The following C11orf96 variants were observed in gnomAD, a reference collection of about 807,000 sequenced individuals.
C11orf96 encodes the protein chromosome 11 open reading frame 96.
C11orf96 carries 6 observed loss-of-function variants against 7.6 expected under a neutral mutation model. The observed-to-expected ratio is 0.79, with a 90% confidence interval of 0.43 to 1.55. C11orf96 has a LOEUF of 1.55. Ranked by LOEUF, C11orf96 falls within the 40% of genes most tolerant of loss-of-function variation. C11orf96 has a pLI of 0.01. For missense variants in C11orf96, 150 were observed against 167.3 expected (o/e 0.90, Z 0.57); for synonymous variants, 72 against 79.0 (o/e 0.91, Z 0.47).
Position 43,943,094 on chromosome 11 carries a change from C to T in C11orf96, c.190C>T (p.Gln64Ter). 1 of 1,499,308 alleles carries T rather than the reference C, an allele frequency of 6.7e-7. No individual in the cohort carries two copies. The highest frequency in any genetic ancestry group is 8.9e-7 in the Non-Finnish European group (1 of 1,123,326). 92.9% of individuals were successfully genotyped at this position (1,499,308 alleles called of 1,614,324 possible). A position where few individuals can be genotyped will look rare whatever the true frequency, so the allele number is the denominator to read the frequency against. Residue 64 changes from glutamine (Q) to a stop codon, truncating the protein, a stop_gained, in exon 1 of 1, where the codon CAG (glutamine) becomes TAG (stop). Transcript: ENST00000617612. LOFTEE classifies it high-confidence loss of function. This position sits in a 1 kb window ranked among gnomAD's most constrained non-coding sequence, Gnocchi z 4.8. ...GCAGCCGGTGACCTTCGACGAGATC[C>T]AGGAGGTGGAGGAGGAGGGGGTGTC... ...KTQPVTFDEI[Q>*]EVEEEGVSPM... is the part of the protein sequence containing the mutation.
At position 43,942,760 on chromosome 11, in the gene C11orf96, C is replaced by T; in HGVS notation, c.-145C>T. 3.3e-6 allele frequency: 1 copy of T among 306,844 alleles called. No homozygotes were observed. Among genetic ancestry groups the T allele is most frequent in the Non-Finnish European group, 4.8e-6 (1 of 210,260 alleles). 19.0% of individuals were successfully genotyped at this position (306,844 alleles called of 1,614,324 possible). The stretch of plus-strand genomic sequence containing the variant: ...CCCGAGGAGCGCCGGCCCGGGCCCG[C>T]GAGGGCCGCCGCCACCCCGCAGCAG... On this transcript the variant is annotated 5_prime_UTR_variant, in exon 1 of 1. Coordinates refer to ENST00000617612, the MANE Select transcript of C11orf96 (RefSeq NM_001145033.2).
In C11orf96 at chr11:43,942,953, G is replaced by A. The variant is rs1300402317; in HGVS notation, c.49G>A (p.Ala17Thr). The change falls in exon 1 of 1, where the codon GCG (alanine) becomes ACG (threonine). Residue 17 changes from alanine to threonine, a missense_variant. Around this residue, in one of 3 missense-constraint regions of C11orf96, gnomAD observed 77 missense variants for 80.5 expected, o/e 0.96. Coordinates refer to ENST00000617612, the MANE Select transcript of C11orf96 (RefSeq NM_001145033.2). ...GATGGGCATCTGCTCCAGTTACCAGGCGGTGATGCCGCACTTCGTGTGCCT... is the reference window on the plus strand; with the variant it reads ...GATGGGCATCTGCTCCAGTTACCAGACGGTGATGCCGCACTTCGTGTGCCT... Reference protein sequence around the residue: ...ELMGICSSYQAVMPHFVCLAD... With the variant: ...ELMGICSSYQTVMPHFVCLAD... 1.4e-6 allele frequency: 2 copies of A among 1,475,530 alleles called. No homozygotes were observed. The highest frequency in any genetic ancestry group is 9.0e-7 in the Non-Finnish European group (1 of 1,116,150). 91.4% of individuals were successfully genotyped at this position (1,475,530 alleles called of 1,614,324 possible).
Position 43,943,118 on chromosome 11 carries a change from T to C in C11orf96, c.214T>C (p.Ser72Pro), listed in dbSNP as rs1406256226. The change falls in exon 1 of 1, where the codon TCC becomes CCC. Residue 72 changes from serine to proline, a missense_variant. Coordinates refer to ENST00000617612, the MANE Select transcript of C11orf96 (RefSeq NM_001145033.2). The surrounding 1 kb of genome is among the most constrained non-coding windows in gnomAD (Gnocchi z 4.8). The part of the protein sequence containing the change: ...EIQEVEEEGV[S>P]PMEEEKAKKS... ...CCAGGAGGTGGAGGAGGAGGGGGTG[T>C]CCCCCATGGAGGAGGAGAAGGCCAA... The C allele has an allele frequency of 2.0e-6, 3 of 1,494,136 alleles. No homozygotes were observed. Among genetic ancestry groups the C allele is most frequent in the Admixed American group, 2.3e-5 (1 of 43,082 alleles). The allele number at this position is 1,494,136 out of a possible 1,614,324, so 92.6% of individuals were successfully genotyped here. A position where few individuals can be genotyped will look rare whatever the true frequency, so the allele number is the denominator to read the frequency against.
rs1565137940 is a variant in C11orf96 at position 43,943,647 on chromosome 11, GC to G, written c.*380del. The G allele has an allele frequency of 3.8e-6, 5 of 1,305,234 alleles. No homozygotes were observed. The highest frequency in any genetic ancestry group is 5.1e-6 in the Non-Finnish European group (5 of 989,632). 80.9% of individuals were successfully genotyped at this position (1,305,234 alleles called of 1,614,324 possible). ...CCGATTTTGCACACCGCTCCACCGT[GC>G]CCCCCAGCGCACACCCATTCACACT... On this transcript the variant is annotated 3_prime_UTR_variant, in exon 1 of 1. Coordinates refer to ENST00000617612, the MANE Select transcript of C11orf96 (RefSeq NM_001145033.2). This position sits in a 1 kb window ranked among gnomAD's most constrained non-coding sequence, Gnocchi z 4.8.
In C11orf96 at chr11:43,943,035, G is replaced by A. The variant is rs1373623149; in HGVS notation, c.131G>A (p.Arg44Gln). 2.0e-6 allele frequency: 3 copies of A among 1,500,186 alleles called. No individual in the cohort carries two copies. The highest frequency in any genetic ancestry group is 2.7e-6 in the Non-Finnish European group (3 of 1,124,448). The allele number at this position is 1,500,186 out of a possible 1,614,324, so 92.9% of individuals were successfully genotyped here. Residue 44 changes from arginine (R) to glutamine (Q), a missense_variant, in exon 1 of 1, where the codon CGG becomes CAG. Arg to Gln is a conservative substitution (Grantham distance 43). Coordinates refer to ENST00000617612, the MANE Select transcript of C11orf96 (RefSeq NM_001145033.2). The surrounding 1 kb of genome is among the most constrained non-coding windows in gnomAD (Gnocchi z 4.8). ...RPAKLPKGRG[R>Q]LRRPRQSRFK... ...GCCAAGCTGCCCAAGGGCCGGGGCCGGCTGCGGCGGCCGCGCCAGTCTCGC... is the reference window on the plus strand; with the variant it reads ...GCCAAGCTGCCCAAGGGCCGGGGCCAGCTGCGGCGGCCGCGCCAGTCTCGC...
chr11:43,942,972 T>A lies in C11orf96; in HGVS notation c.68T>A (p.Val23Glu). ...TACCAGGCGGTGATGCCGCACTTCGTGTGCCTGGCCGACGAGTTCCCGCAG... is the reference window on the plus strand; with the variant it reads ...TACCAGGCGGTGATGCCGCACTTCGAGTGCCTGGCCGACGAGTTCCCGCAG... ...SSYQAVMPHF[V>E]CLADEFPQPV... The change falls in exon 1 of 1, where the codon GTG (valine) becomes GAG (glutamate). Residue 23 changes from valine (V) to glutamate (E), a missense_variant. Val to Glu is a moderately radical substitution (Grantham distance 121). Transcript: ENST00000617612. The A allele has an allele frequency of 2.0e-6, 3 of 1,496,670 alleles. No homozygotes were observed. Among genetic ancestry groups the A allele is most frequent in the Non-Finnish European group, 2.7e-6 (3 of 1,125,008 alleles). The allele number at this position is 1,496,670 out of a possible 1,614,324, so 92.7% of individuals were successfully genotyped here.
chr11:43,943,427 C>T lies in C11orf96; in HGVS notation c.*154C>T, dbSNP rs1199787419. On this transcript the variant is annotated 3_prime_UTR_variant, in exon 1 of 1. Coordinates refer to ENST00000617612, the MANE Select transcript of C11orf96 (RefSeq NM_001145033.2). This position sits in a 1 kb window ranked among gnomAD's most constrained non-coding sequence, Gnocchi z 4.8. The stretch of plus-strand genomic sequence containing the variant: ...CTCGGACTCCCGCCCCGCTGCGAAC[C>T]GGTCGGTGCGCCCCTCGCCGCGCTC... The T allele has an allele frequency of 1.4e-6, 2 of 1,443,530 alleles. No homozygotes were observed. Among genetic ancestry groups the T allele is most frequent in the Non-Finnish European group, 1.8e-6 (2 of 1,084,036 alleles). 89.4% of individuals were successfully genotyped at this position (1,443,530 alleles called of 1,614,324 possible).
In C11orf96 at chr11:43,943,525, C is replaced by T; in HGVS notation, c.*252C>T. 7.5e-7 allele frequency: 1 copy of T among 1,333,924 alleles called. No individual in the cohort carries two copies. The highest frequency in any genetic ancestry group is 9.9e-7 in the Non-Finnish European group (1 of 1,009,136). The allele number at this position is 1,333,924 out of a possible 1,614,324, so 82.6% of individuals were successfully genotyped here. A position where few individuals can be genotyped will look rare whatever the true frequency, so the allele number is the denominator to read the frequency against. On this transcript the variant is annotated 3_prime_UTR_variant, in exon 1 of 1. Transcript: ENST00000617612. The surrounding 1 kb of genome is among the most constrained non-coding windows in gnomAD (Gnocchi z 4.8). ...TAAATGTTTATTTTTTAACTCTTCCCAGTGCGAACTCTGCTGTGAGTGTGT... is the reference window on the plus strand; with the variant it reads ...TAAATGTTTATTTTTTAACTCTTCCTAGTGCGAACTCTGCTGTGAGTGTGT...
rs1952122617 is a variant in C11orf96, at chr11:43,942,741, G to A, written c.-164G>A. ...CCGCCCGCCCGCCCGCCCTCCCGAG[G>A]AGCGCCGGCCCGGGCCCGCGAGGGC... On this transcript the variant is annotated 5_prime_UTR_variant, in exon 1 of 1. Transcript: ENST00000617612. 7.0e-6 allele frequency: 1 copy of A among 143,186 alleles called. No homozygotes were observed. The highest frequency in any genetic ancestry group is 1.5e-5 in the Non-Finnish European group (1 of 68,718). The allele number at this position is 143,186 out of a possible 1,614,324, so 8.9% of individuals were successfully genotyped here.
In C11orf96 at chr11:43,942,994, G is replaced by A. The variant is rs756294909; in HGVS notation, c.90G>A (p.Pro30=). Residue 30 remains proline, a synonymous_variant, in exon 1 of 1, where the codon CCG becomes CCA. Coordinates refer to ENST00000617612, the MANE Select transcript of C11orf96 (RefSeq NM_001145033.2). Reference sequence around the variant, plus strand: ...TCGTGTGCCTGGCCGACGAGTTCCCGCAGCCCGTGCGGCCCGCCAAGCTGC... The same window carrying A: ...TCGTGTGCCTGGCCGACGAGTTCCCACAGCCCGTGCGGCCCGCCAAGCTGC... ...PHFVCLADEF[P]QPVRPAKLPK... is the part of the protein sequence containing the mutation. 7 of 1,504,878 alleles carry A rather than the reference G, an allele frequency of 4.7e-6. No individual in the cohort carries two copies. The highest frequency in any genetic ancestry group is 3.8e-5 in the South Asian group (3 of 79,944). The allele number at this position is 1,504,878 out of a possible 1,614,324, so 93.2% of individuals were successfully genotyped here. A position where few individuals can be genotyped will look rare whatever the true frequency, so the allele number is the denominator to read the frequency against.
chr11:43,943,263 C>T lies in C11orf96; in HGVS notation c.359C>T (p.Ser120Leu), dbSNP rs1210060014. 10 of 1,516,578 alleles carry T rather than the reference C, an allele frequency of 6.6e-6. No homozygotes were observed. In the East Asian group the frequency reaches 1.9e-4, roughly 29 times the overall value. The allele number at this position is 1,516,578 out of a possible 1,614,324, so 93.9% of individuals were successfully genotyped here. A position where few individuals can be genotyped will look rare whatever the true frequency, so the allele number is the denominator to read the frequency against. Residue 120 changes from serine (S) to leucine (L), a missense_variant, in exon 1 of 1, where the codon TCG becomes TTG. Around this residue, in one of 3 missense-constraint regions of C11orf96, gnomAD observed 69 missense variants for 69.1 expected, o/e 1.00. Transcript: ENST00000617612. The surrounding 1 kb of genome is among the most constrained non-coding windows in gnomAD (Gnocchi z 4.8). The part of the protein sequence containing the change: ...RNSLDSSDSD[S>L]AL ...AGCCTGGACTCCAGCGACTCCGACT[C>T]GGCCCTGTAAGGGGCGCCGCCCGCG... is the stretch of plus-strand genomic sequence containing the variant.
Position 43,943,277 on chromosome 11 carries a change from GCGCCGCCCGCGGGGGGGACGCGCGCGTC to G in C11orf96, c.*8_*35del, listed in dbSNP as rs1952127435. 1.3e-6 allele frequency: 2 copies of G among 1,485,172 alleles called. No individual in the cohort carries two copies. Among genetic ancestry groups the G allele is most frequent in the Non-Finnish European group, 1.8e-6 (2 of 1,121,238 alleles). The allele number at this position is 1,485,172 out of a possible 1,614,324, so 92.0% of individuals were successfully genotyped here. A position where few individuals can be genotyped will look rare whatever the true frequency, so the allele number is the denominator to read the frequency against. Reference sequence around the variant, plus strand: ...CGACTCCGACTCGGCCCTGTAAGGGGCGCCGCCCGCGGGGGGGACGCGCGCGTCCGCGGTCCGCGCGGGGACCGGCGTG... The same window carrying G: ...CGACTCCGACTCGGCCCTGTAAGGGGCGCGGTCCGCGCGGGGACCGGCGTG... On this transcript the variant is annotated 3_prime_UTR_variant, in exon 1 of 1. Transcript: ENST00000617612. The surrounding 1 kb of genome is among the most constrained non-coding windows in gnomAD (Gnocchi z 4.8).
At position 43,943,229 on chromosome 11, in the gene C11orf96, C is replaced by T; in HGVS notation, c.325C>T (p.Leu109=). The change falls in exon 1 of 1, where the codon CTG becomes TTG. Residue 109 remains leucine, a synonymous_variant. Coordinates refer to ENST00000617612, the MANE Select transcript of C11orf96 (RefSeq NM_001145033.2). The surrounding 1 kb of genome is among the most constrained non-coding windows in gnomAD (Gnocchi z 4.8). ...LQREQLSSCK[L]RNSLDSSDSD... is the part of the protein sequence containing the mutation. The stretch of plus-strand genomic sequence containing the variant: ...GCGGGAGCAGCTCAGCAGCTGCAAA[C>T]TGAGGAACAGCCTGGACTCCAGCGA... 1 of 1,528,486 alleles carries T rather than the reference C, an allele frequency of 6.5e-7. No individual in the cohort carries two copies. The highest frequency in any genetic ancestry group is 8.8e-7 in the Non-Finnish European group (1 of 1,137,890). The allele number at this position is 1,528,486 out of a possible 1,614,324, so 94.7% of individuals were successfully genotyped here.
In C11orf96 at chr11:43,942,956, G is replaced by A; in HGVS notation, c.52G>A (p.Val18Met). 6.8e-7 allele frequency: 1 copy of A among 1,479,270 alleles called. No individual in the cohort carries two copies. Among genetic ancestry groups the A allele is most frequent in the Admixed American group, 2.4e-5 (1 of 41,710 alleles). 91.6% of individuals were successfully genotyped at this position (1,479,270 alleles called of 1,614,324 possible). The change falls in exon 1 of 1, where the codon GTG becomes ATG. Residue 18 changes from valine (V) to methionine (M), a missense_variant. By Grantham distance (21) the Val-to-Met change is conservative (BLOSUM62 1). Transcript: ENST00000617612. Reference sequence around the variant, plus strand: ...GGGCATCTGCTCCAGTTACCAGGCGGTGATGCCGCACTTCGTGTGCCTGGC... The same window carrying A: ...GGGCATCTGCTCCAGTTACCAGGCGATGATGCCGCACTTCGTGTGCCTGGC... The part of the protein sequence containing the change: ...LMGICSSYQA[V>M]MPHFVCLADE...
chr11:43,943,757 C>A lies in C11orf96; in HGVS notation c.*484C>A. The stretch of plus-strand genomic sequence containing the variant: ...GGGCGCAGCGCGGCTGCTACTGCGT[C>A]TGGAGGATTGATATTTATTTTTGCA... On this transcript the variant is annotated 3_prime_UTR_variant, in exon 1 of 1. Coordinates refer to ENST00000617612, the MANE Select transcript of C11orf96 (RefSeq NM_001145033.2). The surrounding 1 kb of genome is among the most constrained non-coding windows in gnomAD (Gnocchi z 4.8). 7.7e-7 allele frequency: 1 copy of A among 1,304,346 alleles called. No individual in the cohort carries two copies. The highest frequency in any genetic ancestry group is 1.2e-5 in the South Asian group (1 of 81,030). The allele number at this position is 1,304,346 out of a possible 1,614,324, so 80.8% of individuals were successfully genotyped here. A position where few individuals can be genotyped will look rare whatever the true frequency, so the allele number is the denominator to read the frequency against.
chr11:43,943,446 C>G lies in C11orf96; in HGVS notation c.*173C>G, dbSNP rs531347119. 1.4e-6 allele frequency: 2 copies of G among 1,431,912 alleles called. No individual in the cohort carries two copies. Among genetic ancestry groups the G allele is most frequent in the Non-Finnish European group, 1.9e-6 (2 of 1,073,982 alleles). The allele number at this position is 1,431,912 out of a possible 1,614,324, so 88.7% of individuals were successfully genotyped here. A position where few individuals can be genotyped will look rare whatever the true frequency, so the allele number is the denominator to read the frequency against. On this transcript the variant is annotated 3_prime_UTR_variant, in exon 1 of 1. Coordinates refer to ENST00000617612, the MANE Select transcript of C11orf96 (RefSeq NM_001145033.2). The surrounding 1 kb of genome is among the most constrained non-coding windows in gnomAD (Gnocchi z 4.8). ...GCGAACCGGTCGGTGCGCCCCTCGC[C>G]GCGCTCGCCCTGGCCCGGGAGCGCC... is the stretch of plus-strand genomic sequence containing the variant.
rs751490279 is a variant in C11orf96 at position 43,943,287 on chromosome 11, CG to C, written c.*21del. On this transcript the variant is annotated 3_prime_UTR_variant, in exon 1 of 1. Coordinates refer to ENST00000617612, the MANE Select transcript of C11orf96 (RefSeq NM_001145033.2). The surrounding 1 kb of genome is among the most constrained non-coding windows in gnomAD (Gnocchi z 4.8). ...TCGGCCCTGTAAGGGGCGCCGCCCG[CG>C]GGGGGGACGCGCGCGTCCGCGGTCC... The C allele has an allele frequency of 8.8e-6, 13 of 1,472,104 alleles. No individual in the cohort carries two copies. Among genetic ancestry groups the C allele is most frequent in the Middle Eastern group, 1.9e-4 (1 of 5,130 alleles). The allele number at this position is 1,472,104 out of a possible 1,614,324, so 91.2% of individuals were successfully genotyped here.
At position 43,943,582 on chromosome 11, in the gene C11orf96, C is replaced by T. The variant is rs1952130551; in HGVS notation, c.*309C>T. 1 of 1,311,364 alleles carries T rather than the reference C, an allele frequency of 7.6e-7. No individual in the cohort carries two copies. Among genetic ancestry groups the T allele is most frequent in the African/African-American group, 1.5e-5 (1 of 66,196 alleles). The allele number at this position is 1,311,364 out of a possible 1,614,324, so 81.2% of individuals were successfully genotyped here. On this transcript the variant is annotated 3_prime_UTR_variant, in exon 1 of 1. Transcript: ENST00000617612. The surrounding 1 kb of genome is among the most constrained non-coding windows in gnomAD (Gnocchi z 4.8). Reference sequence around the variant, plus strand: ...AGGCGCGCCCGCGCTGAGTCGGCGGCGGGTAGCCACTCCATGCCCTTGTCC... The same window carrying T: ...AGGCGCGCCCGCGCTGAGTCGGCGGTGGGTAGCCACTCCATGCCCTTGTCC...
Position 43,943,290 on chromosome 11 carries a change from G to A in C11orf96, c.*17G>A. On this transcript the variant is annotated 3_prime_UTR_variant, in exon 1 of 1. Transcript: ENST00000617612. The surrounding 1 kb of genome is among the most constrained non-coding windows in gnomAD (Gnocchi z 4.8). ...GCCCTGTAAGGGGCGCCGCCCGCGG[G>A]GGGGACGCGCGCGTCCGCGGTCCGC... 1.4e-6 allele frequency: 2 copies of A among 1,473,238 alleles called. No homozygotes were observed. Among genetic ancestry groups the A allele is most frequent in the Non-Finnish European group, 1.8e-6 (2 of 1,116,540 alleles). The allele number at this position is 1,473,238 out of a possible 1,614,324, so 91.3% of individuals were successfully genotyped here.
Sources: allele counts gnomAD v4.1 joint callset, GRCh38; gene constraint gnomAD v4.1.1; regional missense constraint gnomAD v4.1.1; non-coding constraint Gnocchi (gnomAD v3.1); transcripts MANE v1.5; gene names NCBI Gene and HGNC (gene_info 2026-07-23, HGNC 2026-07-21).